Variants in RORA observed in about 807,000 individuals in gnomAD.
The protein encoded by RORA is nuclear receptor ROR-alpha.
RORA carries 7 observed loss-of-function variants against 69.5 expected under a neutral mutation model. The ratio of observed to expected loss-of-function variants is 0.10; its 90% CI spans 0.06 to 0.19. RORA has a LOEUF of 0.19. Ranked by LOEUF, RORA falls within the 10% of genes least tolerant of loss-of-function variation. The pLI is 1.00. For missense variants in RORA, 457 were observed against 663.0 expected, an observed-to-expected ratio of 0.69 and a Z score of 3.41; for synonymous variants, 261 against 240.8, an observed-to-expected ratio of 1.08 and a Z score of -0.78.
chr15:60,511,418 C>G lies in RORA; in HGVS notation c.628G>C (p.Glu210Gln), dbSNP rs199585929. ...ACGGCGGAGTCTGCCTTACTCCCCT[C>G]AGGGGTGTGCCCGTCAATGTAGTTA... ...LSNYIDGHTP[E>Q]GSKADSAVSS... The change falls in exon 5 of 11, where the codon GAG (glutamate) becomes CAG (glutamine). Residue 210 changes from glutamate (E) to glutamine (Q), a missense_variant. Coordinates refer to ENST00000335670, the MANE Select transcript of RORA (RefSeq NM_134261.3). The surrounding 1 kb of genome is among the most constrained non-coding windows in gnomAD (Gnocchi z 6.4). 155 of 1,614,070 alleles carry G rather than the reference C, an allele frequency of 9.6e-5. No homozygotes were observed. Among genetic ancestry groups the G allele is most frequent in the Non-Finnish European group, 1.3e-4 (152 of 1,180,048 alleles).
intron 9 of RORA, 35 bp downstream of exon 9, chr15:60,500,924 C>G: frequency 7.9e-7 from 1 of 1,262,156 alleles, no homozygotes; most frequent in Admixed American, 1.9e-5. Flanking sequence ...TTAGACAATT[C>G]GAAAACCATT....
At chr15:61,145,486 C>T (rs2079338106) in intron 1 of RORA, among the ~76,000 whole-genome samples, 1 of 152,148 alleles carries the variant, frequency 6.6e-6, no homozygotes. Flanking sequence ...GGGTATTTTC[C>T]TTTTGGCTTC....
At chr15:60,596,012 G>C (rs1007503287) in intron 2 of RORA, among the ~76,000 whole-genome samples, 1 of 152,174 alleles carries the variant, frequency 6.6e-6, no homozygotes, top group African/African-American at 2.4e-5. Flanking sequence ...CATTTTTGCA[G>C]GAGTCTAGAC....
At chr15:60,938,051 A>C (rs1361768134) in intron 1 of RORA, among the ~76,000 whole-genome samples, 1 of 152,146 alleles carries the variant, frequency 6.6e-6, no homozygotes, top group African/African-American at 2.4e-5. Context: ...TAGAATTTGA[A>C]CCTAGGTTTT....
chr15:60,721,722 T>C (rs2071296086), intron 1 of RORA, among the ~76,000 whole-genome samples: 1 of 152,266 alleles, frequency 6.6e-6, no homozygotes, highest in Non-Finnish European at 1.5e-5. Flanking sequence ...GAAACATTTA[T>C]ATATGGAGCT....
At chr15:60,589,250 T>C (rs1488489747) in intron 2 of RORA, among the ~76,000 whole-genome samples, 3 of 152,234 alleles carry the variant, frequency 2.0e-5, no homozygotes, top group African/African-American at 7.2e-5. Flanking sequence ...GAATCGTATT[T>C]ATTACAGTTG....
At chr15:60,952,501 G>A (rs1893139010) in intron 1 of RORA, among the ~76,000 whole-genome samples, 2 of 151,836 alleles carry the variant, frequency 1.3e-5, no homozygotes, top group East Asian at 2.0e-4. Flanking sequence ...AAGTCAAATT[G>A]TCCCTGTTTG....
At chr15:61,024,652 T>G (rs545932550) in intron 1 of RORA, among the ~76,000 whole-genome samples, 167 of 152,204 alleles carry the variant, frequency 1.1e-3, no homozygotes, top group African/African-American at 3.9e-3. Context: ...GGTTTCACCG[T>G]GTTGGTCAGG....
intron 2 of RORA, among the ~76,000 whole-genome samples, chr15:60,568,872 G>GTGAA (rs1214321602): frequency 6.6e-6 from 1 of 150,604 alleles, no homozygotes; most frequent in African/African-American, 2.4e-5. Context: ...TGATGACAAA[G>GTGAA]TGAAGTAGGT....
chr15:60,873,044 C>T, intron 1 of RORA, among the ~76,000 whole-genome samples: 1 of 152,130 alleles, frequency 6.6e-6, no homozygotes, highest in Non-Finnish European at 1.5e-5. Context: ...TTTTTCACAT[C>T]AAGTGCCGAG....
chr15:60,849,298 T>C (rs2073299717), intron 1 of RORA, among the ~76,000 whole-genome samples: 1 of 152,204 alleles, frequency 6.6e-6, no homozygotes, highest in Admixed American at 6.5e-5. Context: ...TATAAATAAA[T>C]GGTTGAATGA....
intron 2 of RORA, among the ~76,000 whole-genome samples, chr15:60,597,733 A>G (rs1388024035): frequency 2.7e-5 from 4 of 147,710 alleles, no homozygotes. Flanking sequence ...TTAGCTTTCT[A>G]CATCACATCG....
chr15:61,016,023 T>C (rs1401399690), intron 1 of RORA, among the ~76,000 whole-genome samples: 1 of 152,160 alleles, frequency 6.6e-6, no homozygotes, highest in African/African-American at 2.4e-5. Flanking sequence ...CTGCAGGAAC[T>C]AGCAGTGGCA....
intron 1 of RORA, among the ~76,000 whole-genome samples, chr15:60,767,261 A>ATGTT (rs2140877956): frequency 1.3e-5 from 2 of 152,240 alleles, no homozygotes; most frequent in African/African-American, 4.8e-5. Context: ...TGATATCTTG[A>ATGTT]TGTTACCTGC....
rs895398522 is a variant in RORA at position 60,511,097 on chromosome 15, A to C, written c.820+129T>G. 2.8e-6 allele frequency: 3 copies of C among 1,075,802 alleles called. No homozygotes were observed. The highest frequency in any genetic ancestry group is 3.2e-5 in the African/African-American group (2 of 63,100). 66.6% of individuals were successfully genotyped at this position (1,075,802 alleles called of 1,614,324 possible). On this transcript the variant is annotated intron_variant, in intron 5 of 10. Transcript: ENST00000335670. This position sits in a 1 kb window ranked among gnomAD's most constrained non-coding sequence, Gnocchi z 6.4. ...CAAAAGCAAGGGGGCAGGGCAGAAA[A>C]TTAAGTGGCCCAAATGGTAAAGGTG...
At chr15:61,198,307 T>C (rs1292371487) in intron 1 of RORA, among the ~76,000 whole-genome samples, 1 of 152,148 alleles carries the variant, frequency 6.6e-6, no homozygotes, top group Non-Finnish European at 1.5e-5. Flanking sequence ...CATTGTAACA[T>C]CTTCCAATCC....
At chr15:60,740,475 A>G (rs1158619792) in intron 1 of RORA, among the ~76,000 whole-genome samples, 1 of 152,238 alleles carries the variant, frequency 6.6e-6, no homozygotes, top group African/African-American at 2.4e-5. Flanking sequence ...AAAGGCACCA[A>G]GGACAATGCC....
intron 1 of RORA, among the ~76,000 whole-genome samples, chr15:60,766,513 C>T (rs539373473): frequency 6.6e-6 from 1 of 152,084 alleles, no homozygotes; most frequent in Non-Finnish European, 1.5e-5. Context: ...GTAGGCGATG[C>T]CTGCTGCCTG....
chr15:60,701,326 TC>T (rs1245995844), intron 1 of RORA, among the ~76,000 whole-genome samples: 5 of 152,320 alleles, frequency 3.3e-5, no homozygotes, highest in African/African-American at 1.2e-4. Flanking sequence ...CACCTTAGCT[TC>T]CTAGAAGTAG....
Sources: allele counts gnomAD v4.1 joint callset (sites outside exome capture counted in the v4.1 genomes callset), GRCh38; gene constraint gnomAD v4.1.1; non-coding constraint Gnocchi (gnomAD v3.1); transcripts MANE v1.5; gene names NCBI Gene and HGNC (gene_info 2026-07-23, HGNC 2026-07-21).